Variants in SCAI observed in about 807,000 individuals in gnomAD.
SCAI encodes the protein suppressor of cancer cell invasion.
In SCAI, 24 loss-of-function variants were observed where a neutral mutation model predicts 92.2. That is an observed-to-expected ratio of 0.26 (90% CI 0.19 to 0.37). The LOEUF (loss-of-function observed/expected upper bound fraction) is 0.37, where lower values mean the gene tolerates loss of function less well. Among genes scored for constraint, SCAI ranks in the 10% least tolerant of loss-of-function variants. The probability of loss-of-function intolerance (pLI) is 1.00; values close to 1 mark genes in which losing one functional copy is unlikely to be tolerated. For missense variants in SCAI, 450 were observed against 736.2 expected (o/e 0.61, Z 4.50); for synonymous variants, 261 against 258.6 (o/e 1.01, Z -0.09).
At chr9:125,019,446 A>C (rs904043888) in intron 7 of SCAI, among the ~76,000 whole-genome samples, 1 of 152,166 alleles carries the variant, frequency 6.6e-6, no homozygotes, top group African/African-American at 2.4e-5. Context: ...TCAGTACTAC[A>C]TGAGCAATGA....
chr9:125,138,968 A>G (rs776236803), intron 2 of SCAI, among the ~76,000 whole-genome samples: 9 of 152,178 alleles, frequency 5.9e-5, no homozygotes, highest in Non-Finnish European at 1.2e-4. Context: ...AGACCATTTC[A>G]TGTAAGTGTA....
rs193086279 is a variant in SCAI, at chr9:125,059,840, C to T, written c.99-3833G>A. Among the ~76,000 whole-genome samples, 107 of 152,238 alleles carry T rather than the reference C, an allele frequency of 7.0e-4. 2 individuals are homozygous for T. The highest frequency in any genetic ancestry group is 3.2e-4 in the Non-Finnish European group (22 of 68,004). On this transcript the variant is annotated intron_variant, in intron 2 of 17. Transcript: ENST00000336505. ...CACTAGCACACACGTACCTATTCTC[C>T]GACCACAAGGAAATACTTGAAAGCC...
chr9:124,995,128 C>A, intron 13 of SCAI, 113 bp from the exon 14 acceptor site: 10 of 646,936 alleles, frequency 1.5e-5, no homozygotes, highest in South Asian at 5.1e-5. Flanking sequence ...GAGAGAAAAA[C>A]AAAGACTAGT....
At chr9:125,030,882 C>T (rs1298878883) in intron 3 of SCAI, among the ~76,000 whole-genome samples, 1 of 152,104 alleles carries the variant, frequency 6.6e-6, no homozygotes, top group African/African-American at 2.4e-5. Context: ...AGAGAAAATC[C>T]ACAAATTCAA....
At chr9:125,126,038 C>G (rs890060085) in intron 2 of SCAI, among the ~76,000 whole-genome samples, 6 of 151,930 alleles carry the variant, frequency 3.9e-5, no homozygotes, top group Admixed American at 1.3e-4. Flanking sequence ...GAAGCCAGTG[C>G]TGGAAGAAAG....
intron 2 of SCAI, chr9:125,065,937 C>G (rs1307340670): frequency 2.7e-6 from 2 of 733,000 alleles, no homozygotes; most frequent in East Asian, 5.0e-5. Flanking sequence ...AGAAAGGGAG[C>G]TTCATTAATT....
intron 2 of SCAI, among the ~76,000 whole-genome samples, chr9:125,057,667 C>T (rs1056750393): frequency 9.2e-5 from 14 of 152,046 alleles, no homozygotes; most frequent in African/African-American, 2.7e-4. Flanking sequence ...TGTTGAAGGC[C>T]GAGTGTGGAG....
chr9:125,057,872 T>C (rs1833701413), intron 2 of SCAI, among the ~76,000 whole-genome samples: 1 of 151,922 alleles, frequency 6.6e-6, no homozygotes, highest in African/African-American at 2.4e-5. Flanking sequence ...AGCAGGAGGA[T>C]CACTTGAGGC....
At chr9:125,129,664 A>C (rs1835357395) in intron 2 of SCAI, among the ~76,000 whole-genome samples, 1 of 151,484 alleles carries the variant, frequency 6.6e-6, no homozygotes. Context: ...GGGTTTCACC[A>C]TGTTGGCCAG....
intron 13 of SCAI, among the ~76,000 whole-genome samples, chr9:124,997,226 C>T (rs537567078): frequency 6.6e-6 from 1 of 152,194 alleles, no homozygotes; most frequent in Non-Finnish European, 1.5e-5. Context: ...CCTGACCTCA[C>T]ATGATGGATC....
intron 3 of SCAI, among the ~76,000 whole-genome samples, chr9:125,050,830 A>G (rs1833546426): frequency 6.6e-6 from 1 of 152,092 alleles, no homozygotes; most frequent in Non-Finnish European, 1.5e-5. Context: ...TTCGCCTCCC[A>G]AAGTGCTGGG....
intron 13 of SCAI, among the ~76,000 whole-genome samples, chr9:124,997,571 G>A (rs1438880034): frequency 6.6e-6 from 1 of 152,128 alleles, no homozygotes; most frequent in Non-Finnish European, 1.5e-5. Flanking sequence ...CAATGAAGTT[G>A]TTATGCTTAG....
chr9:125,084,250 A>T (rs978786832), intron 2 of SCAI, among the ~76,000 whole-genome samples: 1 of 134,778 alleles, frequency 7.4e-6, no homozygotes, highest in Non-Finnish European at 1.5e-5. Flanking sequence ...GGCTCACTGC[A>T]AGCTCCGCCT....
At position 124,964,493 on chromosome 9, in the gene SCAI, C is replaced by T. The variant is rs377364281; in HGVS notation, c.1674+6877G>A. 2.6e-5 allele frequency among the ~76,000 whole-genome samples: 4 copies of T among 152,154 alleles called. No individual in the cohort carries two copies. In the East Asian group the frequency reaches 7.7e-4, roughly 29 times the overall value. On this transcript the variant is annotated intron_variant, in intron 17 of 17. Coordinates refer to ENST00000336505, the MANE Select transcript of SCAI (RefSeq NM_001144877.3). ...AAGCCTTTTTCTGTAATAATGATGG[C>T]ATTTCCAATGGTGGAATCCTTTCAG... is the stretch of plus-strand genomic sequence containing the variant.
intron 2 of SCAI, among the ~76,000 whole-genome samples, chr9:125,115,297 G>A (rs142490812): frequency 0.023 from 3,418 of 150,938 alleles, 142 homozygotes; most frequent in African/African-American, 0.08. Flanking sequence ...ACATGAACTC[G>A]GGAGGCGGAG....
At position 124,971,577 on chromosome 9, in the gene SCAI, C is replaced by T. The variant is rs78833669; in HGVS notation, c.1573+94G>A. 9,398 of 1,394,284 alleles carry T rather than the reference C, an allele frequency of 6.7e-3. 523 individuals are homozygous for T. The Admixed American group carries it at 0.12, about 18-fold the overall frequency. The allele number at this position is 1,394,284 out of a possible 1,614,324, so 86.4% of individuals were successfully genotyped here. Reference sequence around the variant, plus strand: ...GTTCTCAACTTTCCTGCCTGGGACACATACCTTTAAAAATTCAAACAATTT... The same window carrying T: ...GTTCTCAACTTTCCTGCCTGGGACATATACCTTTAAAAATTCAAACAATTT... On this transcript the variant is annotated intron_variant, in intron 16 of 17. Coordinates refer to ENST00000336505, the MANE Select transcript of SCAI (RefSeq NM_001144877.3).
intron 14 of SCAI, 54 bp downstream of exon 14, chr9:124,994,880 C>A: frequency 8.5e-7 from 1 of 1,170,916 alleles, no homozygotes; most frequent in Non-Finnish European, 1.3e-6. Flanking sequence ...AGAGTGGGTA[C>A]CCTTGGGTTG....
intron 2 of SCAI, among the ~76,000 whole-genome samples, chr9:125,076,009 C>T (rs1451738328): frequency 6.6e-6 from 1 of 152,058 alleles, no homozygotes; most frequent in Non-Finnish European, 1.5e-5. Flanking sequence ...ACAGACATTT[C>T]CTTGTTGATC....
Position 125,066,153 on chromosome 9 carries a change from T to C in SCAI, c.99-10146A>G, listed in dbSNP as rs555935331. On this transcript the variant is annotated intron_variant, in intron 2 of 17. Coordinates refer to ENST00000336505, the MANE Select transcript of SCAI (RefSeq NM_001144877.3). ...TCCATAGAAATTTCAAAAGAATCTA[T>C]ATGTAATTATCAGAATTAACCAGTG... is the stretch of plus-strand genomic sequence containing the variant. 138 of 600,910 alleles carry C rather than the reference T, an allele frequency of 2.3e-4. 3 individuals carry two copies. In the South Asian group the frequency reaches 3.0e-3, roughly 13 times the overall value. 37.2% of individuals were successfully genotyped at this position (600,910 alleles called of 1,614,324 possible).
Sources: gnomAD v4.1 joint callset for allele counts (sites outside exome capture counted in the v4.1 genomes callset) on GRCh38, gnomAD v4.1.1 for gene constraint, MANE v1.5 for transcripts, NCBI Gene and HGNC (gene_info 2026-07-23, HGNC 2026-07-21) for gene names.